The following AK8 variants were observed in gnomAD, a reference collection of about 807,000 sequenced individuals.
The protein encoded by AK8 is adenylate kinase 8.
AK8 carries 44 observed loss-of-function variants against 54.6 expected under a neutral mutation model. The ratio of observed to expected loss-of-function variants is 0.81; its 90% confidence interval spans 0.63 to 1.04. AK8 has a LOEUF of 1.04. AK8 is among the 50% of genes least tolerant of loss of function. The pLI, the probability that AK8 is intolerant of heterozygous loss-of-function variation, is 0.00. For missense variants in AK8, 555 were observed against 613.6 expected, an observed-to-expected ratio of 0.90 and a Z score of 1.01; for synonymous variants, 239 against 245.6, an observed-to-expected ratio of 0.97 and a Z score of 0.25.
rs1401308077 is a variant in AK8, at chr9:132,770,761, C to T, written c.1121+21873G>A. On this transcript the variant is annotated intron_variant, in intron 11 of 12. Coordinates refer to ENST00000298545, the MANE Select transcript of AK8 (RefSeq NM_152572.3). The surrounding 1 kb of genome is among the most constrained non-coding windows in gnomAD (Gnocchi z 4.3). ...GTGGGGCGGTCTTGCTCCCTGTTGACCCCCATTCCCCCTCCCCTGGATCCA... is the reference window on the plus strand; with the variant it reads ...GTGGGGCGGTCTTGCTCCCTGTTGATCCCCATTCCCCCTCCCCTGGATCCA... Among the ~76,000 whole-genome samples the T allele has an allele frequency of 6.6e-6, 1 of 152,178 alleles. No homozygotes were observed. Among genetic ancestry groups the T allele is most frequent in the African/African-American group, 2.4e-5 (1 of 41,460 alleles).
At chr9:132,822,601 G>A (rs1273087183) in intron 9 of AK8, among the ~76,000 whole-genome samples, 2 of 152,132 alleles carry the variant, frequency 1.3e-5, no homozygotes, top group East Asian at 1.9e-4. Context: ...GTTTCTTCCT[G>A]ATTCCCATCC....
chr9:132,785,056 G>A (rs1368819745), intron 11 of AK8, among the ~76,000 whole-genome samples: 1 of 151,410 alleles, frequency 6.6e-6, no homozygotes, highest in African/African-American at 2.4e-5. Flanking sequence ...CCCCAAAATG[G>A]AGAATGGCTG....
At chr9:132,857,984 C>T (rs1843243341) in intron 4 of AK8, among the ~76,000 whole-genome samples, 1 of 152,238 alleles carries the variant, frequency 6.6e-6, no homozygotes, top group Non-Finnish European at 1.5e-5. Flanking sequence ...CACTGTGATG[C>T]TCTCCCACCC....
chr9:132,863,880 T>G (rs1460291761), intron 3 of AK8, 102 bp from the exon 4 acceptor site: 2 of 928,760 alleles, frequency 2.2e-6, no homozygotes, highest in Admixed American at 4.9e-5. Context: ...TGGGAAAAGG[T>G]TGGCCATGGG....
At chr9:132,758,057 G>A (rs1838278075) in intron 11 of AK8, among the ~76,000 whole-genome samples, 1 of 152,222 alleles carries the variant, frequency 6.6e-6, no homozygotes, top group African/African-American at 2.4e-5. Context: ...CTTAGATGAA[G>A]CCTTTGTTTC....
intron 11 of AK8, among the ~76,000 whole-genome samples, chr9:132,735,356 G>A (rs1837052792): frequency 6.6e-6 from 1 of 152,144 alleles, no homozygotes; most frequent in South Asian, 2.1e-4. Flanking sequence ...TGGACGGATT[G>A]GGTAAGTTGA....
rs948161212 is a variant in AK8 at position 132,803,135 on chromosome 9, G to A, written c.980-10360C>T. 3.3e-5 allele frequency among the ~76,000 whole-genome samples: 5 copies of A among 152,244 alleles called. No individual in the cohort carries two copies. The highest frequency in any genetic ancestry group is 6.5e-5 in the Admixed American group (1 of 15,290). On this transcript the variant is annotated intron_variant, in intron 10 of 12. Transcript: ENST00000298545. The surrounding 1 kb of genome is among the most constrained non-coding windows in gnomAD (Gnocchi z 4.4). ...CCTTTATAAAACCATCAGATCTTGTGAGAACTCACTATCACGAGAACAGCA... is the reference window on the plus strand; with the variant it reads ...CCTTTATAAAACCATCAGATCTTGTAAGAACTCACTATCACGAGAACAGCA...
chr9:132,822,751 G>T (rs1841699640), intron 9 of AK8, among the ~76,000 whole-genome samples: 1 of 152,120 alleles, frequency 6.6e-6, no homozygotes, highest in African/African-American at 2.4e-5. Context: ...GTCTTCCTCT[G>T]GTTCAGAAAT....
chr9:132,775,728 C>G (rs971270630), intron 11 of AK8, among the ~76,000 whole-genome samples: 10 of 152,228 alleles, frequency 6.6e-5, no homozygotes, highest in African/African-American at 2.4e-4. Flanking sequence ...CAGGCCATCT[C>G]TCCATGGCTC....
intron 11 of AK8, 113 bp downstream of exon 11, chr9:132,792,521 T>G: frequency 7.2e-7 from 1 of 1,384,558 alleles, no homozygotes; most frequent in Non-Finnish European, 9.6e-7. Context: ...CAGGAGACAT[T>G]CCACTTCAGG....
upstream of AK8, chr9:132,878,545 GA>G (rs1844265516): frequency 8.6e-7 from 1 of 1,167,580 alleles, no homozygotes; most frequent in Admixed American, 4.7e-5. This position sits in a 1 kb window ranked among gnomAD's most constrained non-coding sequence, Gnocchi z 4.7. Flanking sequence ...GACCCCCGAC[GA>G]AACCCAGAAG....
intron 11 of AK8, among the ~76,000 whole-genome samples, chr9:132,774,677 C>T (rs1839131497): frequency 6.6e-6 from 1 of 152,192 alleles, no homozygotes; most frequent in South Asian, 2.1e-4. Flanking sequence ...AACGGTCGAG[C>T]ATCGCGCCTG....
chr9:132,740,959 G>A (rs1436680034), intron 11 of AK8, among the ~76,000 whole-genome samples: 1 of 152,192 alleles, frequency 6.6e-6, no homozygotes, highest in Non-Finnish European at 1.5e-5. Context: ...AAGATGGTGG[G>A]CCTGGGGGTC....
At chr9:132,752,921 T>C (rs917333305) in intron 11 of AK8, among the ~76,000 whole-genome samples, 1 of 152,214 alleles carries the variant, frequency 6.6e-6, no homozygotes, top group Non-Finnish European at 1.5e-5. Context: ...CAGGTATTTC[T>C]GCTCTGTTTA....
rs1842407466 is a variant in AK8, at chr9:132,838,311, T to G, written c.403-9585A>C. 2.6e-5 allele frequency among the ~76,000 whole-genome samples: 4 copies of G among 152,284 alleles called. No homozygotes were observed. The Middle Eastern group carries it at 0.014, about 518-fold the overall frequency. The stretch of plus-strand genomic sequence containing the variant: ...AAACTTTTGGCTCCACAGTCAAAAG[T>G]GTGCTACGTCCGCTCCCCCTTTACA... On this transcript the variant is annotated intron_variant, in intron 5 of 12. Transcript: ENST00000298545.
At chr9:132,728,575 C>T (rs1430530977) in intron 11 of AK8, among the ~76,000 whole-genome samples, 3 of 152,168 alleles carry the variant, frequency 2.0e-5, no homozygotes, top group East Asian at 1.9e-4. Context: ...GGTACCCCAG[C>T]GTGGCAGCTG....
chr9:132,857,155 T>C (rs1390579331), intron 4 of AK8, among the ~76,000 whole-genome samples: 1 of 152,168 alleles, frequency 6.6e-6, no homozygotes, highest in Non-Finnish European at 1.5e-5. Flanking sequence ...CCCACCTTTC[T>C]TCCCTAAGCC....
chr9:132,774,345 A>T (rs1231368737), intron 11 of AK8, among the ~76,000 whole-genome samples: 1 of 152,140 alleles, frequency 6.6e-6, no homozygotes, highest in Non-Finnish European at 1.5e-5. Context: ...ATCTCATAAA[A>T]AGTAAGGCTG....
At chr9:132,740,810 T>A (rs1183330054) in intron 11 of AK8, among the ~76,000 whole-genome samples, 1 of 152,202 alleles carries the variant, frequency 6.6e-6, no homozygotes, top group East Asian at 1.9e-4. Context: ...TGAACGGTCA[T>A]CTTCATCTCC....
Sources: gnomAD v4.1 joint callset for allele counts (sites outside exome capture counted in the v4.1 genomes callset) on GRCh38, gnomAD v4.1.1 for gene constraint, Gnocchi (gnomAD v3.1) non-coding constraint, MANE v1.5 for transcripts, NCBI Gene and HGNC (gene_info 2026-07-23, HGNC 2026-07-21) for gene names.